The following RGS12 variants were observed in gnomAD, a reference collection of about 807,000 sequenced individuals.
RGS12 encodes regulator of G-protein signaling 12.
A neutral mutation model predicts 120.1 loss-of-function variants in RGS12; 66 were observed. The observed-to-expected ratio is 0.55, with a 90% confidence interval of 0.45 to 0.67. The LOEUF (loss-of-function observed/expected upper bound fraction) is 0.67, where lower values mean the gene tolerates loss of function less well. Ranked by LOEUF, RGS12 falls within the 30% of genes least tolerant of loss-of-function variation. The pLI, the probability that RGS12 is intolerant of heterozygous loss-of-function variation, is 0.00. For synonymous variants in RGS12, 827 were observed against 804.7 expected (o/e 1.03, Z -0.47); for missense variants, 1,859 against 1,957.7 (o/e 0.95, Z 0.95).
chr4:3,417,824 G>A (rs936384438), intron 9 of RGS12: 5 of 376,186 alleles, frequency 1.3e-5, no homozygotes, highest in Admixed American at 8.4e-5. Context: ...ACACAGTGGC[G>A]GCTGAACATC....
chr4:3,363,394 G>T (rs565171497), intron 3 of RGS12, among the ~76,000 whole-genome samples: 1 of 152,262 alleles, frequency 6.6e-6, no homozygotes. Flanking sequence ...CTTGGCTCAT[G>T]CTCTGTTTCT....
chr4:3,317,784 C>T lies in RGS12; in HGVS notation c.1614C>T (p.Leu538=). The T allele has an allele frequency of 6.2e-7, 1 of 1,613,440 alleles. No individual in the cohort carries two copies. Among genetic ancestry groups the T allele is most frequent in the Non-Finnish European group, 8.5e-7 (1 of 1,179,952 alleles). The change falls in exon 2 of 18, where the codon CTC becomes CTT. Residue 538 remains leucine, a synonymous_variant. Coordinates refer to ENST00000336727, the MANE Select transcript of RGS12 (RefSeq NM_001394154.1). ...GAGCGFNQRW[L]PVHVLREWQC... is the part of the protein sequence containing the mutation. The stretch of plus-strand genomic sequence containing the variant: ...GCTGTGGTTTCAACCAGCGCTGGCT[C>T]CCGGTCCACGTGCTCCGGGAGTGGC...
rs1009945151 is a variant in RGS12, at chr4:3,374,714, C to T, written c.1999-11702C>T. On this transcript the variant is annotated intron_variant, in intron 3 of 17. Coordinates refer to ENST00000336727, the MANE Select transcript of RGS12 (RefSeq NM_001394154.1). The surrounding 1 kb of genome is among the most constrained non-coding windows in gnomAD (Gnocchi z 6.3). ...AATCCCTGAGTTTACACTTTCTCACCCCCATTGCTGCAGCCTGCCCTCGTC... is the reference window on the plus strand; with the variant it reads ...AATCCCTGAGTTTACACTTTCTCACTCCCATTGCTGCAGCCTGCCCTCGTC... Among the ~76,000 whole-genome samples the T allele has an allele frequency of 5.9e-5, 9 of 151,958 alleles. No homozygotes were observed. Among genetic ancestry groups the T allele is most frequent in the Non-Finnish European group, 1.3e-4 (9 of 67,996 alleles).
chr4:3,355,886 G>T (rs995495271), intron 3 of RGS12, among the ~76,000 whole-genome samples: 13 of 150,970 alleles, frequency 8.6e-5, no homozygotes, highest in Non-Finnish European at 4.4e-5. Context: ...ATTCAACAAG[G>T]TTGCTAGATA....
At chr4:3,350,847 A>G (rs1384884611) in intron 3 of RGS12, among the ~76,000 whole-genome samples, 1 of 152,246 alleles carries the variant, frequency 6.6e-6, no homozygotes, top group African/African-American at 2.4e-5. Flanking sequence ...TATCATGTAG[A>G]TGTAACATAC....
chr4:3,432,183 T>G (rs1488724182), intron 17 of RGS12: 1 of 984,380 alleles, frequency 1.0e-6, no homozygotes, highest in Admixed American at 6.1e-5. Context: ...CTGGACTGGC[T>G]TACAACTTTT....
At position 3,439,624 on chromosome 4, in the gene RGS12, C is replaced by T; in HGVS notation, c.4284C>T (p.Gly1428=). Residue 1428 remains glycine, a synonymous_variant, in exon 18 of 18, where the codon GGC becomes GGT. Transcript: ENST00000336727. ...CTACATCAGACCTCCCTGGCTTGGG[C>T]CCCGTCCCGGGTGAGCCTGCTAAGC... ...GPPTSDLPGL[G]PVPGEPAKPK... is the part of the protein sequence containing the mutation. 1.9e-6 allele frequency: 3 copies of T among 1,600,008 alleles called. No homozygotes were observed. Among genetic ancestry groups the T allele is most frequent in the Non-Finnish European group, 2.6e-6 (3 of 1,173,014 alleles).
intron 1 of RGS12, among the ~76,000 whole-genome samples, chr4:3,315,139 C>T (rs1294742050): frequency 2.0e-5 from 3 of 152,218 alleles, no homozygotes; most frequent in Admixed American, 6.5e-5. Flanking sequence ...CCTGCGTGAC[C>T]CCGCTGGGAG....
At chr4:3,327,679 T>C (rs1398276159) in intron 2 of RGS12, among the ~76,000 whole-genome samples, 1 of 152,204 alleles carries the variant, frequency 6.6e-6, no homozygotes, top group Non-Finnish European at 1.5e-5. Context: ...AAATGCCCAA[T>C]ATCACTAATC....
intron 4 of RGS12, among the ~76,000 whole-genome samples, chr4:3,402,741 TAGA>T (rs1055969555): frequency 6.6e-6 from 1 of 152,188 alleles, no homozygotes; most frequent in Admixed American, 6.5e-5. Flanking sequence ...GGCACAAGAA[TAGA>T]AGAAGAATGT....
intron 1 of RGS12, among the ~76,000 whole-genome samples, chr4:3,309,497 G>C (rs2110378815): frequency 7.9e-6 from 1 of 127,218 alleles, no homozygotes; most frequent in East Asian, 2.5e-4. Flanking sequence ...GGAGGAGCTG[G>C]GACCCGGGAA....
In RGS12 at chr4:3,439,552, G is replaced by C; in HGVS notation, c.4212G>C (p.Ala1404=). Residue 1404 remains alanine (A), a synonymous_variant, in exon 18 of 18, where the codon GCG becomes GCC. Transcript: ENST00000336727. ...GSAPGRDGGI[A]GAQAGPGRSQ... The stretch of plus-strand genomic sequence containing the variant: ...CGCCCGGGCGGGATGGTGGCATAGC[G>C]GGGGCACAGGCTGGCCCTGGGAGGT... 1 of 1,612,384 alleles carries C rather than the reference G, an allele frequency of 6.2e-7. No individual in the cohort carries two copies. The highest frequency in any genetic ancestry group is 8.5e-7 in the Non-Finnish European group (1 of 1,179,678).
chr4:3,288,996 C>T (rs1336647352), upstream of RGS12, among the ~76,000 whole-genome samples: 1 of 152,162 alleles, frequency 6.6e-6, no homozygotes, highest in Non-Finnish European at 1.5e-5. This position sits in a 1 kb window ranked among gnomAD's most constrained non-coding sequence, Gnocchi z 5.2. Flanking sequence ...CCAGGAAGTG[C>T]ATCTACCTGC....
intron 4 of RGS12, among the ~76,000 whole-genome samples, chr4:3,386,709 A>G (rs1008210554): frequency 6.6e-6 from 1 of 151,860 alleles, no homozygotes; most frequent in East Asian, 1.9e-4. Flanking sequence ...GAGTGCACCC[A>G]CCCGCCTGCC....
intron 4 of RGS12, among the ~76,000 whole-genome samples, chr4:3,395,953 A>T (rs1339809194): frequency 6.6e-6 from 1 of 152,224 alleles, no homozygotes; most frequent in Non-Finnish European, 1.5e-5. Context: ...CATATAACCT[A>T]CCCATACCTT....
At chr4:3,394,396 C>A (rs770739435) in intron 4 of RGS12, among the ~76,000 whole-genome samples, 20 of 152,188 alleles carry the variant, frequency 1.3e-4, no homozygotes, top group Non-Finnish European at 2.4e-4. Flanking sequence ...CTCCTGACCT[C>A]AGGTGATAGA....
intron 4 of RGS12, among the ~76,000 whole-genome samples, chr4:3,400,684 A>G (rs1335617243): frequency 1.3e-5 from 2 of 149,218 alleles, no homozygotes; most frequent in African/African-American, 2.4e-5. Flanking sequence ...TAGAATTAGT[A>G]TTAGTATTAG....
rs1560125634 is a variant in RGS12 at position 3,374,778 on chromosome 4, C to T, written c.1999-11638C>T. Reference sequence around the variant, plus strand: ...TGGAGCACCACAGAGCCTCCAGCTGCCCCTGCCCTGCCCTGTCCATGCACC... The same window carrying T: ...TGGAGCACCACAGAGCCTCCAGCTGTCCCTGCCCTGCCCTGTCCATGCACC... On this transcript the variant is annotated intron_variant, in intron 3 of 17. Transcript: ENST00000336727. The surrounding 1 kb of genome is among the most constrained non-coding windows in gnomAD (Gnocchi z 6.3). Among the ~76,000 whole-genome samples the T allele has an allele frequency of 2.0e-5, 3 of 152,266 alleles. No homozygotes were observed. Among genetic ancestry groups the T allele is most frequent in the East Asian group, 1.9e-4 (1 of 5,154 alleles).
At chr4:3,428,504 T>G in intron 15 of RGS12, 54 bp from the exon 16 acceptor site, 1 of 1,402,154 alleles carries the variant, frequency 7.1e-7, no homozygotes, top group South Asian at 1.3e-5. Context: ...TAATGAATGA[T>G]GTATTGTCGT....
Sources: allele counts gnomAD v4.1 joint callset (sites outside exome capture counted in the v4.1 genomes callset), GRCh38; gene constraint gnomAD v4.1.1; non-coding constraint Gnocchi (gnomAD v3.1); transcripts MANE v1.5; gene names NCBI Gene and HGNC (gene_info 2026-07-23, HGNC 2026-07-21).